The following TDRD9 variants were observed in gnomAD, a reference collection of about 807,000 sequenced individuals.
TDRD9 encodes the protein tudor domain containing 9.
In TDRD9, 124 loss-of-function variants were observed where a neutral mutation model predicts 172.6. The ratio of observed to expected loss-of-function variants is 0.72; its 90% CI spans 0.62 to 0.83. TDRD9 has a LOEUF of 0.83. Ranked by LOEUF, TDRD9 falls within the 40% of genes least tolerant of loss-of-function variation. TDRD9 has a pLI of 0.00. For missense variants in TDRD9, 1,479 were observed against 1,714.1 expected (o/e 0.86, Z 2.42); for synonymous variants, 619 against 617.1 (o/e 1.00, Z -0.05).
At chr14:104,050,201 G>A (rs1251945318) in intron 35 of TDRD9, among the ~76,000 whole-genome samples, 2 of 152,160 alleles carry the variant, frequency 1.3e-5, no homozygotes, top group African/African-American at 4.8e-5. Context: ...ATCTGCAGAT[G>A]GCCACCTTCT....
At chr14:103,961,420 G>A (rs868743447) in intron 2 of TDRD9, among the ~76,000 whole-genome samples, 3 of 151,928 alleles carry the variant, frequency 2.0e-5, no homozygotes, top group Non-Finnish European at 2.9e-5. Context: ...AAAATTAGCC[G>A]GGTGTGGTGG....
chr14:104,004,680 G>A (rs1411333999), intron 14 of TDRD9, among the ~76,000 whole-genome samples: 1 of 152,090 alleles, frequency 6.6e-6, no homozygotes, highest in African/African-American at 2.4e-5. Flanking sequence ...TTGCCAAATA[G>A]TCTAAGTGAT....
chr14:103,952,172 A>G (rs12889692), intron 1 of TDRD9, among the ~76,000 whole-genome samples: 1 of 117,282 alleles, frequency 8.5e-6, no homozygotes, highest in African/African-American at 3.2e-5. Context: ...ATGTGTATAT[A>G]TGTGTGTGCG....
In TDRD9 at chr14:103,973,739, G is replaced by A. The variant is rs1017341978; in HGVS notation, c.847-1650G>A. 7.2e-5 allele frequency among the ~76,000 whole-genome samples: 11 copies of A among 152,188 alleles called. 1 individual carries two copies. The highest frequency in any genetic ancestry group is 1.3e-4 in the Admixed American group (2 of 15,282). On this transcript the variant is annotated intron_variant, in intron 6 of 35. Coordinates refer to ENST00000409874, the MANE Select transcript of TDRD9 (RefSeq NM_153046.3). ...GGTGACTGGGGTGTGTCCCTTAGGA[G>A]CCTCTCTTCCACTCCAAGTGGCTTC...
At position 103,985,257 on chromosome 14, in the gene TDRD9, C is replaced by T. The variant is rs74572580; in HGVS notation, c.1012-960C>T. Among the ~76,000 whole-genome samples, 292 of 152,162 alleles carry T rather than the reference C, an allele frequency of 1.9e-3. 1 individual carries two copies. The highest frequency in any genetic ancestry group is 6.8e-3 in the African/African-American group (281 of 41,522). ...TGATATGGTTTAGCTGTGTCCCCAC[C>T]GAAATCTCATTTTGAAATCTCACCT... On this transcript the variant is annotated intron_variant, in intron 7 of 35. Coordinates refer to ENST00000409874, the MANE Select transcript of TDRD9 (RefSeq NM_153046.3).
In TDRD9 at chr14:103,986,083, A is replaced by G. The variant is rs1029725403; in HGVS notation, c.1012-134A>G. 232 of 692,520 alleles carry G rather than the reference A, an allele frequency of 3.4e-4. 1 individual carries two copies. Among genetic ancestry groups the G allele is most frequent in the Non-Finnish European group, 3.5e-5 (14 of 400,172 alleles). The allele number at this position is 692,520 out of a possible 1,614,324, so 42.9% of individuals were successfully genotyped here. ...AGCACGTGTTCAGACATTGCTGTCAATAAAAACCAAGAACTTTTATTTAGA... is the reference window on the plus strand; with the variant it reads ...AGCACGTGTTCAGACATTGCTGTCAGTAAAAACCAAGAACTTTTATTTAGA... On this transcript the variant is annotated intron_variant, in intron 7 of 35. Coordinates refer to ENST00000409874, the MANE Select transcript of TDRD9 (RefSeq NM_153046.3).
intron 32 of TDRD9, among the ~76,000 whole-genome samples, chr14:104,036,719 G>A (rs567850571): frequency 1.3e-5 from 2 of 152,306 alleles, no homozygotes; most frequent in African/African-American, 4.8e-5. Flanking sequence ...CATCTTTCTA[G>A]AAAAAGCACA....
At chr14:103,963,987 A>T (rs1015880553) in intron 3 of TDRD9, among the ~76,000 whole-genome samples, 3 of 152,198 alleles carry the variant, frequency 2.0e-5, no homozygotes, top group Non-Finnish European at 2.9e-5. Flanking sequence ...AGTGGAAGTT[A>T]CTTGTTTCCA....
At chr14:104,048,503 A>G (rs751859556) in intron 34 of TDRD9, among the ~76,000 whole-genome samples, 1 of 152,160 alleles carries the variant, frequency 6.6e-6, no homozygotes, top group Non-Finnish European at 1.5e-5. Flanking sequence ...CCAGTGATCA[A>G]TCAAAAGTTG....
rs932553610 is a variant in TDRD9, at chr14:104,022,338, C to T, written c.2606+8C>T. ...AAAGCTCAGGAACACAAGGTATTTT[C>T]GGGAGGGAGGTGGCAGACAGGCCGT... is the stretch of plus-strand genomic sequence containing the variant. On this transcript the variant is annotated splice_region_variant and intron_variant, in intron 24 of 35. Transcript: ENST00000409874. 16 of 1,607,658 alleles carry T rather than the reference C, an allele frequency of 1.0e-5. No homozygotes were observed. Among genetic ancestry groups the T allele is most frequent in the South Asian group, 3.3e-5 (3 of 89,910 alleles).
chr14:104,023,184 C>CAAA lies in TDRD9; in HGVS notation c.2606+882_2606+884dup, dbSNP rs10661391. On this transcript the variant is annotated intron_variant, in intron 24 of 35. Coordinates refer to ENST00000409874, the MANE Select transcript of TDRD9 (RefSeq NM_153046.3). ...TGGGCGACAGAGCGAGACTCCGTCT[C>CAAA]AAAAAAAAAAAAAAAAAAAAAAAAA... Among the ~76,000 whole-genome samples, 120 of 64,460 alleles carry CAAA rather than the reference C, an allele frequency of 1.9e-3. 7 individuals are homozygous for CAAA. In the East Asian group the frequency reaches 0.022, roughly 12 times the overall value. The allele number at this position is 64,460 out of a possible 152,430, so 42.3% of individuals were successfully genotyped here. A position where few individuals can be genotyped will look rare whatever the true frequency, so the allele number is the denominator to read the frequency against.
chr14:104,043,639 G>A (rs532508582), intron 34 of TDRD9, among the ~76,000 whole-genome samples: 3 of 152,232 alleles, frequency 2.0e-5, no homozygotes, highest in South Asian at 2.1e-4. Flanking sequence ...TAGGGTGTGC[G>A]GGTGTGGTTG....
At chr14:104,024,755 CACACACACACA>C in intron 25 of TDRD9, 75 bp downstream of exon 25, 1 of 83,232 alleles carries the variant, frequency 1.2e-5, no homozygotes. Context: ...AGTTTACACA[CACACACACACA>C]CACACACACA....
At position 103,975,543 on chromosome 14, in the gene TDRD9, A is replaced by G. The variant is rs772221455; in HGVS notation, c.1001A>G (p.His334Arg). 4 of 1,606,410 alleles carry G rather than the reference A, an allele frequency of 2.5e-6. No homozygotes were observed. Among genetic ancestry groups the G allele is most frequent in the South Asian group, 2.2e-5 (2 of 89,872 alleles). ...EYYLNDLEHI[H>R]HSKLSPHLLE... The stretch of plus-strand genomic sequence containing the variant: ...TATCTTAATGATTTGGAGCACATTC[A>G]TCATAGCAAGGTATGTTAGAATGTG... Residue 334 changes from histidine (H) to arginine (R), a missense_variant, in exon 7 of 36, where the codon CAT becomes CGT. Around this residue, in one of 3 missense-constraint regions of TDRD9, gnomAD observed 1,413 missense variants for 1,649.1 expected, o/e 0.86. Coordinates refer to ENST00000409874, the MANE Select transcript of TDRD9 (RefSeq NM_153046.3).
chr14:104,006,234 G>GT (rs1169356320), intron 15 of TDRD9, among the ~76,000 whole-genome samples, 155 bp from the exon 16 acceptor site: 6 of 151,968 alleles, frequency 3.9e-5, no homozygotes, highest in Non-Finnish European at 7.4e-5. Flanking sequence ...AATTTAAAAA[G>GT]TTTTTTTTGG....
At chr14:104,012,255 A>G (rs1013622794) in intron 20 of TDRD9, among the ~76,000 whole-genome samples, 1 of 152,246 alleles carries the variant, frequency 6.6e-6, no homozygotes, top group Non-Finnish European at 1.5e-5. Flanking sequence ...GTCAGCATGC[A>G]TACTCTTATC....
chr14:104,026,751 G>A lies in TDRD9; in HGVS notation c.3094G>A (p.Gly1032Arg), dbSNP rs772398425. 3.1e-6 allele frequency: 5 copies of A among 1,613,974 alleles called. No individual in the cohort carries two copies. The highest frequency in any genetic ancestry group is 2.2e-5 in the South Asian group (2 of 91,066). The change falls in exon 28 of 36, where the codon GGG becomes AGG. Residue 1032 changes from glycine to arginine, a missense_variant. Coordinates refer to ENST00000409874, the MANE Select transcript of TDRD9 (RefSeq NM_153046.3). ...TGTTTGTGGCAAGCACTGGAGTGAC[G>A]GGGCCAGCCAGTGGTTCGCCTCTCT... ...SLVCGKHWSDGASQWFASLVS... is the reference protein window; with the variant it reads ...SLVCGKHWSDRASQWFASLVS...
intron 7 of TDRD9, among the ~76,000 whole-genome samples, chr14:103,978,462 C>G (rs544231258): frequency 6.6e-6 from 1 of 152,318 alleles, no homozygotes; most frequent in South Asian, 2.1e-4. Context: ...AACCTACTAA[C>G]TAAACTTCAC....
intron 7 of TDRD9, among the ~76,000 whole-genome samples, chr14:103,977,659 G>T (rs1394263853): frequency 1.5e-5 from 2 of 129,898 alleles, no homozygotes; most frequent in Non-Finnish European, 3.3e-5. Flanking sequence ...CTATGCAGAA[G>T]CTTGTTAGTT....
Sources: gnomAD v4.1 joint callset for allele counts (sites outside exome capture counted in the v4.1 genomes callset) on GRCh38, gnomAD v4.1.1 for gene constraint, gnomAD v4.1.1 regional missense constraint, MANE v1.5 for transcripts, NCBI Gene and HGNC (gene_info 2026-07-23, HGNC 2026-07-21) for gene names.